HACD3: variants seen among roughly 807,000 people sequenced by gnomAD.
The protein encoded by HACD3 is 3-hydroxyacyl-CoA dehydratase 3.
In HACD3, 30 loss-of-function variants were observed where a neutral mutation model predicts 55.2. The ratio of observed to expected loss-of-function variants is 0.54; its 90% CI spans 0.41 to 0.74. The LOEUF (loss-of-function observed/expected upper bound fraction) is 0.74, where lower values mean the gene tolerates loss of function less well. Ranked by LOEUF, HACD3 falls within the 30% of genes least tolerant of loss-of-function variation. HACD3 has a pLI of 0.00. For synonymous variants in HACD3, 141 were observed against 151.7 expected, an observed-to-expected ratio of 0.93 and a Z score of 0.52; for missense variants, 363 against 440.1, an observed-to-expected ratio of 0.82 and a Z score of 1.57.
At chr15:65,574,955 G>T (rs985349471) in intron 10 of HACD3, among the ~76,000 whole-genome samples, 2 of 152,172 alleles carry the variant, frequency 1.3e-5, no homozygotes, top group African/African-American at 4.8e-5. Context: ...AGTGAACAGG[G>T]TAGAGGGGTA....
chr15:65,542,290 G>T (rs1358636736), intron 1 of HACD3, among the ~76,000 whole-genome samples: 1 of 151,338 alleles, frequency 6.6e-6, no homozygotes, highest in African/African-American at 2.4e-5. Context: ...TTGAGACAGG[G>T]TCTCACTCTG....
chr15:65,550,637 A>C (rs2072122781), intron 1 of HACD3, among the ~76,000 whole-genome samples: 1 of 152,186 alleles, frequency 6.6e-6, no homozygotes. Context: ...AAATCACCCA[A>C]TATGTAGTGG....
At chr15:65,557,344 G>A (rs2072202832) in intron 4 of HACD3, among the ~76,000 whole-genome samples, 1 of 152,134 alleles carries the variant, frequency 6.6e-6, no homozygotes, top group Non-Finnish European at 1.5e-5. Flanking sequence ...GCGTGGTGGT[G>A]CATGCCTGTA....
intron 3 of HACD3, among the ~76,000 whole-genome samples, chr15:65,555,214 G>A (rs2072177281): frequency 6.6e-6 from 1 of 152,096 alleles, no homozygotes; most frequent in Non-Finnish European, 1.5e-5. Flanking sequence ...TTCGAGTTCT[G>A]GTGTTCTCAT....
chr15:65,568,080 G>A (rs1428325552), intron 7 of HACD3, among the ~76,000 whole-genome samples: 2 of 151,696 alleles, frequency 1.3e-5, no homozygotes, highest in Non-Finnish European at 2.9e-5. Flanking sequence ...CCATCACCAC[G>A]CCCAGCTAAT....
At position 65,556,799 on chromosome 15, in the gene HACD3, T is replaced by A; in HGVS notation, c.265T>A (p.Trp89Arg). The change falls in exon 4 of 11, where the codon TGG (tryptophan) becomes AGG (arginine). Residue 89 changes from tryptophan to arginine, a missense_variant. Physicochemically the swap from Trp to Arg is moderately radical, Grantham distance 101. Coordinates refer to ENST00000261875, the MANE Select transcript of HACD3 (RefSeq NM_016395.4). ...TACAGTACAGAAGAAAGTGAGTCAGTGGTGGGAGAGACTCACAAAGCAGGA... is the reference window on the plus strand; with the variant it reads ...TACAGTACAGAAGAAAGTGAGTCAGAGGTGGGAGAGACTCACAAAGCAGGA... Reference protein sequence around the residue: ...NITVQKKVSQWWERLTKQEKR... With the variant: ...NITVQKKVSQRWERLTKQEKR... 1 of 1,612,044 alleles carries A rather than the reference T, an allele frequency of 6.2e-7. No individual in the cohort carries two copies. Among genetic ancestry groups the A allele is most frequent in the Non-Finnish European group, 8.5e-7 (1 of 1,179,076 alleles).
chr15:65,530,534 A>G lies in HACD3; in HGVS notation c.-98A>G, dbSNP rs2141198500. The G allele has an allele frequency of 9.1e-7, 1 of 1,100,810 alleles. No individual in the cohort carries two copies. 68.2% of individuals were successfully genotyped at this position (1,100,810 alleles called of 1,614,324 possible). Reference sequence around the variant, plus strand: ...CGGGTTGCAGGCGCTCAGGAGCGCTAGGGTTTGAGGCCTGCTTTCTGCTCG... The same window carrying G: ...CGGGTTGCAGGCGCTCAGGAGCGCTGGGGTTTGAGGCCTGCTTTCTGCTCG... On this transcript the variant is annotated 5_prime_UTR_variant, in exon 1 of 11. Transcript: ENST00000261875.
chr15:65,564,657 C>T (rs954619864), intron 7 of HACD3: 8 of 212,354 alleles, frequency 3.8e-5, no homozygotes, highest in South Asian at 9.0e-5. Flanking sequence ...TGGGAAAGAC[C>T]GGCCGCACTG....
chr15:65,557,198 G>A (rs986762454), intron 4 of HACD3, among the ~76,000 whole-genome samples: 7 of 152,158 alleles, frequency 4.6e-5, no homozygotes, highest in African/African-American at 1.4e-4. Context: ...ACATACGGCC[G>A]GGCACGGTGG....
chr15:65,574,962 G>A (rs1036701721), intron 10 of HACD3, among the ~76,000 whole-genome samples: 1 of 152,102 alleles, frequency 6.6e-6, no homozygotes, highest in Admixed American at 6.5e-5. Flanking sequence ...AGGGTAGAGG[G>A]GTAGAAATAT....
chr15:65,530,789 C>G (rs527249644), intron 1 of HACD3, 71 bp downstream of exon 1: 15 of 1,387,372 alleles, frequency 1.1e-5, no homozygotes, highest in African/African-American at 6.0e-5. Context: ...ACCCCTGCCC[C>G]CTTTGTCCGC....
chr15:65,544,302 A>G (rs2072051903), intron 1 of HACD3, among the ~76,000 whole-genome samples: 1 of 152,256 alleles, frequency 6.6e-6, no homozygotes, highest in African/African-American at 2.4e-5. Flanking sequence ...AGAGCTGTTC[A>G]GTCTCTTTAC....
At chr15:65,537,355 T>G (rs576507902) in intron 1 of HACD3, among the ~76,000 whole-genome samples, 8 of 152,176 alleles carry the variant, frequency 5.3e-5, no homozygotes, top group Non-Finnish European at 1.2e-4. Context: ...TGGAGGACTT[T>G]TATAGTTAGA....
chr15:65,540,215 T>C (rs902322317), intron 1 of HACD3, among the ~76,000 whole-genome samples: 3 of 152,212 alleles, frequency 2.0e-5, no homozygotes, highest in African/African-American at 7.2e-5. Context: ...AAACTACTTA[T>C]AAAGCAGTAA....
intron 1 of HACD3, among the ~76,000 whole-genome samples, chr15:65,547,325 C>T (rs1341871381): frequency 6.6e-6 from 1 of 152,168 alleles, no homozygotes; most frequent in African/African-American, 2.4e-5. Flanking sequence ...CCATATTGGT[C>T]AGGCTGGTCT....
At chr15:65,557,679 C>G (rs1320602402) in intron 4 of HACD3, among the ~76,000 whole-genome samples, 1 of 152,062 alleles carries the variant, frequency 6.6e-6, no homozygotes, top group South Asian at 2.1e-4. Context: ...GAGGGAGTAT[C>G]TACATAATTT....
chr15:65,532,685 C>G (rs1306338395), intron 1 of HACD3, among the ~76,000 whole-genome samples: 1 of 149,118 alleles, frequency 6.7e-6, no homozygotes, highest in Admixed American at 6.7e-5. Flanking sequence ...AAAAATAAAT[C>G]ATTTTTCCCC....
At chr15:65,554,208 T>G (rs2072164018) in intron 2 of HACD3, among the ~76,000 whole-genome samples, 2 of 152,182 alleles carry the variant, frequency 1.3e-5, no homozygotes. Context: ...AAAGTAATTG[T>G]GAAAGTTAAA....
At chr15:65,543,441 T>G (rs1485974951) in intron 1 of HACD3, among the ~76,000 whole-genome samples, 3 of 152,186 alleles carry the variant, frequency 2.0e-5, no homozygotes, top group Non-Finnish European at 4.4e-5. Flanking sequence ...GATATTCTAA[T>G]TCTGAAACTT....
Sources: allele counts gnomAD v4.1 joint callset (sites outside exome capture counted in the v4.1 genomes callset), GRCh38; gene constraint gnomAD v4.1.1; transcripts MANE v1.5; gene names NCBI Gene and HGNC (gene_info 2026-07-23, HGNC 2026-07-21).